Variants in CCDC85A observed in about 807,000 individuals in gnomAD.
The protein encoded by CCDC85A is coiled-coil domain containing 85A, also known as coiled-coil domain-containing protein 85A.
CCDC85A carries 38 observed loss-of-function variants against 50.2 expected under a neutral mutation model. The observed-to-expected ratio is 0.76, with a 90% CI of 0.58 to 0.99. CCDC85A has a LOEUF of 0.99. CCDC85A is among the 50% of genes least tolerant of loss of function. CCDC85A has a pLI of 0.00. For synonymous variants in CCDC85A, 366 were observed against 301.4 expected (o/e 1.21, Z -2.22); for missense variants, 820 against 742.0 (o/e 1.11, Z -1.22).
chr2:56,336,888 G>GA (rs1164826065), intron 2 of CCDC85A, among the ~76,000 whole-genome samples: 6 of 150,362 alleles, frequency 4.0e-5, no homozygotes, highest in Admixed American at 6.6e-5. Flanking sequence ...AGTCAGGGAG[G>GA]AAAAAAAAAG....
At chr2:56,231,816 G>C (rs1046732421) in intron 2 of CCDC85A, among the ~76,000 whole-genome samples, 1 of 152,072 alleles carries the variant, frequency 6.6e-6, no homozygotes, top group East Asian at 1.9e-4. Context: ...ACCTGTTCTT[G>C]TCTCATCCTA....
intron 2 of CCDC85A, among the ~76,000 whole-genome samples, chr2:56,256,288 T>A (rs528824955): frequency 1.6e-4 from 24 of 152,348 alleles, no homozygotes; most frequent in African/African-American, 5.5e-4. Context: ...CTGGTTGGAA[T>A]TGACTACACA....
In CCDC85A at chr2:56,386,171, C is replaced by A. The variant is rs1328708744; in HGVS notation, c.*1816C>A. On this transcript the variant is annotated 3_prime_UTR_variant, in exon 6 of 6. Transcript: ENST00000407595. ...GCAATGGTAATAAATTATTTAATCT[C>A]ACAGTGTCTTTGTCTTCTTCAAAAT... The A allele has an allele frequency of 6.6e-6, 1 of 152,180 alleles. No homozygotes were observed. Among genetic ancestry groups the A allele is most frequent in the Non-Finnish European group, 1.5e-5 (1 of 67,820 alleles). The allele number at this position is 152,180 out of a possible 1,614,324, so 9.4% of individuals were successfully genotyped here.
At chr2:56,275,698 T>C (rs968723381) in intron 2 of CCDC85A, among the ~76,000 whole-genome samples, 2 of 152,218 alleles carry the variant, frequency 1.3e-5, no homozygotes, top group South Asian at 4.1e-4. Context: ...GACTGTCTGA[T>C]GTAATATTTT....
At chr2:56,200,507 CA>C (rs1314473396) in intron 2 of CCDC85A, among the ~76,000 whole-genome samples, 2 of 152,130 alleles carry the variant, frequency 1.3e-5, no homozygotes, top group Admixed American at 1.3e-4. Flanking sequence ...CTCTAATCTG[CA>C]AAAGAGTGAG....
chr2:56,184,985 C>T (rs1675942754), intron 1 of CCDC85A, 85 bp downstream of exon 1: 6 of 1,410,642 alleles, frequency 4.3e-6, no homozygotes, highest in Non-Finnish European at 5.6e-6. Context: ...AACTTTCCCT[C>T]CCTCCCTCAA....
chr2:56,200,491 A>G (rs771574085), intron 2 of CCDC85A, among the ~76,000 whole-genome samples: 1 of 152,214 alleles, frequency 6.6e-6, no homozygotes, highest in Non-Finnish European at 1.5e-5. Context: ...GCTCTAATTT[A>G]TAAGTCTCTA....
At chr2:56,333,481 A>G (rs1673915621) in intron 2 of CCDC85A, among the ~76,000 whole-genome samples, 1 of 152,166 alleles carries the variant, frequency 6.6e-6, no homozygotes, top group African/African-American at 2.4e-5. Context: ...GCCCTGATGG[A>G]CTTTTTAAGA....
chr2:56,221,497 A>G (rs1668328268), intron 2 of CCDC85A, among the ~76,000 whole-genome samples: 1 of 152,068 alleles, frequency 6.6e-6, no homozygotes, highest in Admixed American at 6.6e-5. Flanking sequence ...CTAAGAGTTA[A>G]CTGTATGTAT....
chr2:56,322,437 A>G (rs1442570711), intron 2 of CCDC85A, among the ~76,000 whole-genome samples: 1 of 152,194 alleles, frequency 6.6e-6, no homozygotes, highest in South Asian at 2.1e-4. Context: ...AAACTCAAAC[A>G]GATTTACAAG....
Position 56,298,613 on chromosome 2 carries a change from A to G in CCDC85A, c.1241-44266A>G, listed in dbSNP as rs191316572. Among the ~76,000 whole-genome samples, 248 of 152,320 alleles carry G rather than the reference A, an allele frequency of 1.6e-3. 2 individuals carry two copies. The highest frequency in any genetic ancestry group is 5.6e-3 in the African/African-American group (232 of 41,584). On this transcript the variant is annotated intron_variant, in intron 2 of 5. Coordinates refer to ENST00000407595, the MANE Select transcript of CCDC85A (RefSeq NM_001080433.2). ...ATTTAGGGAATCTTTTAAGCTTACT[A>G]TCCCTTTTCTAGTTTCGATTTTTAA... is the stretch of plus-strand genomic sequence containing the variant.
intron 2 of CCDC85A, among the ~76,000 whole-genome samples, chr2:56,206,250 G>T (rs959620100): frequency 6.6e-6 from 1 of 152,094 alleles, no homozygotes; most frequent in Non-Finnish European, 1.5e-5. Context: ...TTTAAACCTT[G>T]TGATTAAGTG....
At chr2:56,325,143 A>G (rs1455265668) in intron 2 of CCDC85A, among the ~76,000 whole-genome samples, 2 of 152,186 alleles carry the variant, frequency 1.3e-5, no homozygotes, top group Non-Finnish European at 1.5e-5. Context: ...TATTTCTGTG[A>G]TAATATAAAA....
intron 2 of CCDC85A, among the ~76,000 whole-genome samples, chr2:56,200,186 A>G (rs1440147986): frequency 6.6e-6 from 1 of 152,210 alleles, no homozygotes; most frequent in Non-Finnish European, 1.5e-5. Context: ...TTGTTGGCTG[A>G]GTCTTGACTA....
chr2:56,369,220 G>C (rs1053133045), intron 3 of CCDC85A, among the ~76,000 whole-genome samples: 2 of 151,968 alleles, frequency 1.3e-5, no homozygotes, highest in African/African-American at 4.8e-5. Context: ...TGCAAAATTG[G>C]TTTTTATTCC....
chr2:56,360,057 A>G (rs998955244), intron 3 of CCDC85A, among the ~76,000 whole-genome samples: 1 of 152,234 alleles, frequency 6.6e-6, no homozygotes, highest in Non-Finnish European at 1.5e-5. Flanking sequence ...GAAGAGCCAA[A>G]TGGTGGAAGA....
intron 2 of CCDC85A, among the ~76,000 whole-genome samples, chr2:56,288,552 G>A (rs566196914): frequency 6.6e-6 from 1 of 152,008 alleles, no homozygotes; most frequent in African/African-American, 2.4e-5. Context: ...TACTTTTGAT[G>A]TGTGAGACAT....
At chr2:56,380,570 AC>A (rs1676536893) in intron 5 of CCDC85A, among the ~76,000 whole-genome samples, 1 of 151,674 alleles carries the variant, frequency 6.6e-6, no homozygotes, top group African/African-American at 2.4e-5. Flanking sequence ...AAAAAAAAAA[AC>A]AACAACAACA....
chr2:56,230,619 C>G (rs1668734762), intron 2 of CCDC85A, among the ~76,000 whole-genome samples: 1 of 152,206 alleles, frequency 6.6e-6, no homozygotes, highest in African/African-American at 2.4e-5. Context: ...GGTCTCAGCT[C>G]ACATGTTACC....
Sources: gnomAD v4.1 joint callset for allele counts (sites outside exome capture counted in the v4.1 genomes callset) on GRCh38, gnomAD v4.1.1 for gene constraint, MANE v1.5 for transcripts, NCBI Gene and HGNC (gene_info 2026-07-23, HGNC 2026-07-21) for gene names.